The following ARHGEF33 variants were observed in gnomAD, a reference collection of about 807,000 sequenced individuals.
ARHGEF33 encodes the protein DH and coiled-coil domain-containing protein ENSP00000381780.
ARHGEF33 carries 72 observed loss-of-function variants against 101.9 expected under a neutral mutation model. The ratio of observed to expected loss-of-function variants is 0.71; its 90% CI spans 0.58 to 0.86. The LOEUF (loss-of-function observed/expected upper bound fraction) is 0.86, where lower values mean the gene tolerates loss of function less well. ARHGEF33 is among the 40% of genes least tolerant of loss of function. The pLI, the probability that ARHGEF33 is intolerant of heterozygous loss-of-function variation, is 0.00. For synonymous variants in ARHGEF33, 499 were observed against 442.5 expected (o/e 1.13, Z -1.60); for missense variants, 1,169 against 1,111.3 (o/e 1.05, Z -0.74).
intron 16 of ARHGEF33, among the ~76,000 whole-genome samples, chr2:38,960,959 T>A (rs958456823): frequency 2.0e-5 from 3 of 152,212 alleles, no homozygotes; most frequent in Admixed American, 2.0e-4. Context: ...TCTTTAGACC[T>A]GATTAACACA....
At chr2:38,969,414 T>G (rs1354786046) in intron 17 of ARHGEF33, 1 of 169,134 alleles carries the variant, frequency 5.9e-6, no homozygotes, top group Non-Finnish European at 1.5e-5. Context: ...GGGGCTTGTT[T>G]GGCTGGTGGC....
At chr2:38,898,854 A>G (rs1175789095) in intron 2 of ARHGEF33, among the ~76,000 whole-genome samples, 10 of 152,198 alleles carry the variant, frequency 6.6e-5, no homozygotes, top group Non-Finnish European at 2.9e-5. Context: ...TTTTATGTGT[A>G]TAATGTATCT....
At chr2:38,945,848 A>G (rs1468881009) in intron 10 of ARHGEF33, among the ~76,000 whole-genome samples, 2 of 152,074 alleles carry the variant, frequency 1.3e-5, no homozygotes, top group African/African-American at 2.4e-5. Flanking sequence ...GAACCCTGTG[A>G]CCCCTACCTT....
intron 2 of ARHGEF33, among the ~76,000 whole-genome samples, chr2:38,910,157 C>A (rs1477841203): frequency 6.6e-6 from 1 of 152,040 alleles, no homozygotes; most frequent in Non-Finnish European, 1.5e-5. Flanking sequence ...AGATATTTGA[C>A]CTTCTCTTTT....
At position 38,943,905 on chromosome 2, in the gene ARHGEF33, AAGAC is replaced by A; in HGVS notation, c.800_803del (p.Gln267LeufsTer19). The A allele has an allele frequency of 6.4e-7, 1 of 1,551,334 alleles. No homozygotes were observed. The highest frequency in any genetic ancestry group is 8.7e-7 in the Non-Finnish European group (1 of 1,146,888). ...CTCTTTGGTTTGTTTCTAAAGCTAAAAGACAGACTGTGGCCCTGGAACTGCTTGA... is the reference window on the plus strand; with the variant it reads ...CTCTTTGGTTTGTTTCTAAAGCTAAAAGACTGTGGCCCTGGAACTGCTTGA... On this transcript the variant is annotated frameshift_variant, in exon 10 of 18. Transcript: ENST00000409978. LOFTEE classifies it high-confidence loss of function.
intron 13 of ARHGEF33, among the ~76,000 whole-genome samples, chr2:38,956,238 G>A (rs1667749130): frequency 6.6e-6 from 1 of 152,062 alleles, no homozygotes; most frequent in Non-Finnish European, 1.5e-5. Context: ...TTCAAATCTT[G>A]CCTCCATTAT....
intron 2 of ARHGEF33, among the ~76,000 whole-genome samples, chr2:38,909,667 T>C (rs997638542): frequency 2.0e-5 from 3 of 151,186 alleles, no homozygotes; most frequent in African/African-American, 7.3e-5. Flanking sequence ...CTTTAATTTA[T>C]TACCTTTGCC....
chr2:38,933,161 T>C (rs1042284853), intron 7 of ARHGEF33, among the ~76,000 whole-genome samples: 3 of 152,086 alleles, frequency 2.0e-5, no homozygotes, highest in African/African-American at 7.2e-5. Context: ...GGTCTCTCAT[T>C]AAGGCTGTAA....
intron 16 of ARHGEF33, 149 bp from the exon 17 acceptor site, chr2:38,965,857 C>T (rs895347294): frequency 2.3e-6 from 2 of 873,918 alleles, no homozygotes; most frequent in Non-Finnish European, 3.5e-6. Context: ...CTTCATTAGC[C>T]TAGGTTTGCT....
chr2:38,912,501 G>A (rs1359510103), intron 2 of ARHGEF33, among the ~76,000 whole-genome samples: 1 of 152,098 alleles, frequency 6.6e-6, no homozygotes. Context: ...CATTATTACA[G>A]TCATTCTCGT....
At chr2:38,956,289 C>T (rs1024556591) in intron 13 of ARHGEF33, among the ~76,000 whole-genome samples, 2 of 152,190 alleles carry the variant, frequency 1.3e-5, no homozygotes, top group East Asian at 1.9e-4. Flanking sequence ...TTACCTTCTT[C>T]GTACCTCGAT....
rs767747395 is a variant in ARHGEF33, at chr2:38,937,381, C to T, written c.612C>T (p.Cys204=). The change falls in exon 9 of 18, where the codon TGC becomes TGT. Residue 204 remains cysteine (C), a synonymous_variant. Transcript: ENST00000409978. ...TPEAEENLKS[C]LSADIQSKGH... ...AAGCAGAAGAAAACCTCAAGTCTTG[C>T]CTCTCGGCTGATATCCAGTCCAAGG... is the stretch of plus-strand genomic sequence containing the variant. 57 of 1,399,248 alleles carry T rather than the reference C, an allele frequency of 4.1e-5. No individual in the cohort carries two copies. The highest frequency in any genetic ancestry group is 1.0e-5 in the Non-Finnish European group (11 of 1,055,490). 86.7% of individuals were successfully genotyped at this position (1,399,248 alleles called of 1,614,324 possible).
Position 38,973,752 on chromosome 2 carries a change from A to T in ARHGEF33, c.2522A>T (p.Asn841Ile), listed in dbSNP as rs931821786. Reference sequence around the variant, plus strand: ...GAATACAGGGAAAAAACTAATGAGAATCCCTCAATGGATCCTTCACCCACC... The same window carrying T: ...GAATACAGGGAAAAAACTAATGAGATTCCCTCAATGGATCCTTCACCCACC... The part of the protein sequence containing the change: ...GSEYREKTNE[N>I]PSMDPSPTKQ... Residue 841 changes from asparagine to isoleucine, a missense_variant, in exon 18 of 18, where the codon AAT (asparagine) becomes ATT (isoleucine). By Grantham distance (149) the Asn-to-Ile change is moderately radical. Transcript: ENST00000409978. 3 of 1,546,030 alleles carry T rather than the reference A, an allele frequency of 1.9e-6. No individual in the cohort carries two copies. The highest frequency in any genetic ancestry group is 2.7e-5 in the African/African-American group (2 of 72,828).
At chr2:38,972,299 C>T (rs959271773) in intron 17 of ARHGEF33, among the ~76,000 whole-genome samples, 2 of 152,192 alleles carry the variant, frequency 1.3e-5, no homozygotes, top group Non-Finnish European at 2.9e-5. Flanking sequence ...CAAGAGAAGG[C>T]CCGGAGTTTT....
chr2:38,923,334 AAAG>A (rs1666802665), intron 4 of ARHGEF33, among the ~76,000 whole-genome samples: 1 of 152,220 alleles, frequency 6.6e-6, no homozygotes, highest in Non-Finnish European at 1.5e-5. Context: ...AGAAGTGAAG[AAAG>A]AAGAAGAGAA....
chr2:38,929,958 G>C (rs989854725), intron 6 of ARHGEF33, 128 bp downstream of exon 6: 1 of 720,218 alleles, frequency 1.4e-6, no homozygotes, highest in East Asian at 2.8e-5. Flanking sequence ...CTTGGCATGC[G>C]ATGGAGGTTA....
intron 2 of ARHGEF33, among the ~76,000 whole-genome samples, chr2:38,901,105 A>G (rs914186710): frequency 6.6e-6 from 1 of 151,994 alleles, no homozygotes; most frequent in Admixed American, 6.6e-5. Context: ...ACACACACAC[A>G]CCTGCCCTCA....
At position 38,967,453 on chromosome 2, in the gene ARHGEF33, A is replaced by C. The variant is rs935391654; in HGVS notation, c.2483+1308A>C. ...TTACTCAGGATTTGAAGAGTTGAGA[A>C]TTGTATTCCTCTTTCTAGGATCATA... On this transcript the variant is annotated intron_variant, in intron 17 of 17. Transcript: ENST00000409978. 9.8e-5 allele frequency among the ~76,000 whole-genome samples: 15 copies of C among 152,330 alleles called. 1 individual carries two copies. In the East Asian group the frequency reaches 2.7e-3, roughly 27 times the overall value.
chr2:38,890,422 A>T (rs1665970261), intron 1 of ARHGEF33, among the ~76,000 whole-genome samples: 1 of 152,180 alleles, frequency 6.6e-6, no homozygotes, highest in African/African-American at 2.4e-5. Context: ...TCTAACACAG[A>T]AAAAGAATAG....
Sources: gnomAD v4.1 joint callset for allele counts (sites outside exome capture counted in the v4.1 genomes callset) on GRCh38, gnomAD v4.1.1 for gene constraint, MANE v1.5 for transcripts, NCBI Gene and HGNC (gene_info 2026-07-23, HGNC 2026-07-21) for gene names.